The following MAP9 variants were observed in gnomAD, a reference collection of about 807,000 sequenced individuals.
The protein encoded by MAP9 is microtubule-associated protein 9.
MAP9 carries 80 observed loss-of-function variants against 75.2 expected under a neutral mutation model. The observed-to-expected ratio is 1.06, with a 90% confidence interval of 0.89 to 1.28. The LOEUF (loss-of-function observed/expected upper bound fraction) is 1.28. Among genes scored for constraint, MAP9 ranks in the 50% most tolerant of loss-of-function variants. The pLI, the probability that MAP9 is intolerant of heterozygous loss-of-function variation, is 0.00. For synonymous variants in MAP9, 235 were observed against 237.3 expected (o/e 0.99, Z 0.09); for missense variants, 753 against 719.9 (o/e 1.05, Z -0.53).
chr4:155,353,478 A>T, intron 10 of MAP9, 138 bp from the exon 11 acceptor site: 6 of 715,012 alleles, frequency 8.4e-6, no homozygotes, highest in Non-Finnish European at 1.2e-5. Flanking sequence ...ATTAACTTTC[A>T]AAGTAGGTAA....
chr4:155,352,714 T>C lies in MAP9; in HGVS notation c.1703A>G (p.Glu568Gly). The C allele has an allele frequency of 2.6e-6, 4 of 1,554,750 alleles. No homozygotes were observed. Among genetic ancestry groups the C allele is most frequent in the Non-Finnish European group, 2.6e-6 (3 of 1,143,204 alleles). The change falls in exon 13 of 14, where the codon GAA (glutamate) becomes GGA (glycine). Residue 568 changes from glutamate (E) to glycine (G), a missense_variant. Transcript: ENST00000311277. ...TTTTTCCTTTTGCTTGAAAAAAGCT[T>C]CCTTTTTTTCATTCCTATAGAGCAT... is the stretch of plus-strand genomic sequence containing the variant. ...TAVEKWNEKKEAFFKQKEKEK... is the reference protein window; with the variant it reads ...TAVEKWNEKKGAFFKQKEKEK...
chr4:155,363,325 A>G (rs1457703043), intron 5 of MAP9: 1 of 152,132 alleles, frequency 6.6e-6, no homozygotes, highest in African/African-American at 2.4e-5. Flanking sequence ...AAGAATACAG[A>G]ATCTCTACAA....
chr4:155,373,382 A>T lies in MAP9; in HGVS notation c.235T>A (p.Ser79Thr). ...VNKKMNDFHI[S>T]DDEEKNPSKL... is the part of the protein sequence containing the mutation. ...GAAGGATTCTTTTCTTCATCATCTG[A>T]TATATGAAAGTCATTCATTTTTTTA... Residue 79 changes from serine (S) to threonine (T), a missense_variant, in exon 4 of 14, where the codon TCA becomes ACA. Coordinates refer to ENST00000311277, the MANE Select transcript of MAP9 (RefSeq NM_001039580.2). The T allele has an allele frequency of 6.2e-7, 1 of 1,609,364 alleles. No individual in the cohort carries two copies. The highest frequency in any genetic ancestry group is 1.3e-5 in the African/African-American group (1 of 74,884).
chr4:155,366,968 A>G (rs1168083853), intron 5 of MAP9, among the ~76,000 whole-genome samples: 2 of 152,198 alleles, frequency 1.3e-5, no homozygotes, highest in African/African-American at 4.8e-5. Context: ...TAAGAAAAAA[A>G]TTACAGACCA....
Position 155,371,960 on chromosome 4 carries a change from T to C in MAP9, c.481+1176A>G, listed in dbSNP as rs113174821. Among the ~76,000 whole-genome samples, 195 of 152,342 alleles carry C rather than the reference T, an allele frequency of 1.3e-3. 2 individuals are homozygous for C. Among genetic ancestry groups the C allele is most frequent in the African/African-American group, 4.6e-3 (190 of 41,584 alleles). On this transcript the variant is annotated intron_variant, in intron 4 of 13. Coordinates refer to ENST00000311277, the MANE Select transcript of MAP9 (RefSeq NM_001039580.2). ...CATTATGCATCTGTTTGCATTTTTG[T>C]AGTTTTTTATAGTTTATGAGATGCA...
At position 155,347,767 on chromosome 4, in the gene MAP9, G is replaced by T; in HGVS notation, c.*16C>A. The T allele has an allele frequency of 6.3e-7, 1 of 1,576,454 alleles. No homozygotes were observed. On this transcript the variant is annotated 3_prime_UTR_variant, in exon 14 of 14. Transcript: ENST00000311277. ...GCAAACCGATAAATAACCAAATAAT[G>T]TAAGAACTAGAATTATCAAAACACT...
In MAP9 at chr4:155,361,323, G is replaced by C. The variant is rs922330689; in HGVS notation, c.802+725C>G. 4.6e-5 allele frequency: 7 copies of C among 151,988 alleles called. No individual in the cohort carries two copies. In the East Asian group the frequency reaches 1.4e-3, roughly 29 times the overall value. The allele number at this position is 151,988 out of a possible 1,614,324, so 9.4% of individuals were successfully genotyped here. On this transcript the variant is annotated intron_variant, in intron 6 of 13. Transcript: ENST00000311277. ...ACTATGGTTCCATCACTGACCTTGG[G>C]TATGTTTCCCTAAGTCACTGCACTT...
chr4:155,364,167 A>G (rs2111250795), intron 5 of MAP9, among the ~76,000 whole-genome samples: 1 of 152,258 alleles, frequency 6.6e-6, no homozygotes, highest in African/African-American at 2.4e-5. Flanking sequence ...AGAGAGGCCA[A>G]TAAAAATGGA....
chr4:155,356,774 C>T (rs1731808674), intron 8 of MAP9, among the ~76,000 whole-genome samples: 1 of 152,120 alleles, frequency 6.6e-6, no homozygotes, highest in Non-Finnish European at 1.5e-5. Context: ...ACTGTATCGC[C>T]TACAAAGCCT....
intron 4 of MAP9, among the ~76,000 whole-genome samples, chr4:155,372,244 G>A (rs541518634): frequency 3.3e-5 from 5 of 152,188 alleles, no homozygotes; most frequent in Admixed American, 2.6e-4. Context: ...TTTGTCTGAC[G>A]TTACCACTGG....
Position 155,355,718 on chromosome 4 carries a change from G to A in MAP9, c.1288C>T (p.Gln430Ter). Residue 430 changes from glutamine to a stop codon, truncating the protein, a stop_gained and splice_region_variant, in exon 9 of 14, where the codon CAG becomes TAG. Transcript: ENST00000311277. LOFTEE classifies it high-confidence loss of function. ...TTAAAAATATTTTCCTTTTTTACCTGATAAACAGCTGCCCTTATGTTATCT... is the reference window on the plus strand; with the variant it reads ...TTAAAAATATTTTCCTTTTTTACCTAATAAACAGCTGCCCTTATGTTATCT... ...RADNIRAAVY[Q>*]EWLEKKNVYL... 1 of 1,602,124 alleles carries A rather than the reference G, an allele frequency of 6.2e-7. No individual in the cohort carries two copies. The highest frequency in any genetic ancestry group is 8.5e-7 in the Non-Finnish European group (1 of 1,176,606).
chr4:155,368,610 T>G lies in MAP9; in HGVS notation c.684A>C (p.Ala228=). ...CCTCAGGATCAAGGTTTTCAGAGAA[T>G]GCTTTTTTCTCAGCTTCTAATTGTA... ...NGIQLEAEKK[A]FSENLDPEDS... is the part of the protein sequence containing the mutation. Residue 228 remains alanine, a synonymous_variant, in exon 5 of 14, where the codon GCA becomes GCC. Transcript: ENST00000311277. The G allele has an allele frequency of 1.2e-6, 2 of 1,614,146 alleles. No homozygotes were observed. Among genetic ancestry groups the G allele is most frequent in the Non-Finnish European group, 1.7e-6 (2 of 1,179,986 alleles).
chr4:155,355,554 T>C (rs935076853), intron 9 of MAP9, among the ~76,000 whole-genome samples, 162 bp downstream of exon 9: 2 of 150,658 alleles, frequency 1.3e-5, no homozygotes, highest in Non-Finnish European at 2.9e-5. Context: ...AAGCAAATAA[T>C]TTAGTAAAAT....
At chr4:155,370,392 G>A (rs1362787927) in intron 4 of MAP9, among the ~76,000 whole-genome samples, 2 of 152,050 alleles carry the variant, frequency 1.3e-5, no homozygotes, top group Non-Finnish European at 2.9e-5. Flanking sequence ...ACATAAAACG[G>A]ATTTTATGGT....
At position 155,373,128 on chromosome 4, in the gene MAP9, C is replaced by CA; in HGVS notation, c.481+7dup. The CA allele has an allele frequency of 1.3e-6, 2 of 1,514,340 alleles. No homozygotes were observed. The highest frequency in any genetic ancestry group is 1.8e-6 in the Non-Finnish European group (2 of 1,129,756). The allele number at this position is 1,514,340 out of a possible 1,614,324, so 93.8% of individuals were successfully genotyped here. ...AGAAATGCAATTACAGTAATCCTAA[C>CA]AAATTACCTGAAGATGTGCTTTTAA... is the stretch of plus-strand genomic sequence containing the variant. On this transcript the variant is annotated splice_region_variant and intron_variant, in intron 4 of 13. Transcript: ENST00000311277.
chr4:155,365,632 T>C (rs1025811212), intron 5 of MAP9, among the ~76,000 whole-genome samples: 1 of 152,096 alleles, frequency 6.6e-6, no homozygotes, highest in Admixed American at 6.5e-5. Context: ...TAATAATTTT[T>C]AAAAATTTGA....
At position 155,368,008 on chromosome 4, in the gene MAP9, G is replaced by T. The variant is rs1440477795; in HGVS notation, c.708+578C>A. 2.6e-5 allele frequency among the ~76,000 whole-genome samples: 4 copies of T among 152,180 alleles called. No individual in the cohort carries two copies. The East Asian group carries it at 7.7e-4, about 29-fold the overall frequency. ...TGCTTCTCATAGTGAAATACAAAGA[G>T]AAAAACGAAGTGTTCTCCCTTAATA... On this transcript the variant is annotated intron_variant, in intron 5 of 13. Coordinates refer to ENST00000311277, the MANE Select transcript of MAP9 (RefSeq NM_001039580.2).
chr4:155,343,368 A>C lies in MAP9; in HGVS notation c.*4415T>G, dbSNP rs904208052. On this transcript the variant is annotated 3_prime_UTR_variant, in exon 14 of 14. Transcript: ENST00000311277. ...ACACTAGAAACTAATTAACAGGAAG[A>C]GTACAAAATAATATGTTAGTTATAA... is the stretch of plus-strand genomic sequence containing the variant. 6.6e-6 allele frequency: 1 copy of C among 151,750 alleles called. No individual in the cohort carries two copies. Among genetic ancestry groups the C allele is most frequent in the Non-Finnish European group, 1.5e-5 (1 of 67,790 alleles). 9.4% of individuals were successfully genotyped at this position (151,750 alleles called of 1,614,324 possible). A position where few individuals can be genotyped will look rare whatever the true frequency, so the allele number is the denominator to read the frequency against.
rs1731331486 is a variant in MAP9, at chr4:155,347,711, TTGAA to T, written c.*68_*71del. The stretch of plus-strand genomic sequence containing the variant: ...AATATATTCCTCTAACTATAAATAA[TTGAA>T]TGGTTTTAAATCTATGGCTAATATT... On this transcript the variant is annotated 3_prime_UTR_variant, in exon 14 of 14. Transcript: ENST00000311277. 4 of 1,355,890 alleles carry T rather than the reference TTGAA, an allele frequency of 3.0e-6. No homozygotes were observed. Among genetic ancestry groups the T allele is most frequent in the African/African-American group, 3.0e-5 (2 of 67,108 alleles). The allele number at this position is 1,355,890 out of a possible 1,614,324, so 84.0% of individuals were successfully genotyped here. A position where few individuals can be genotyped will look rare whatever the true frequency, so the allele number is the denominator to read the frequency against.
Sources: allele counts gnomAD v4.1 joint callset (sites outside exome capture counted in the v4.1 genomes callset), GRCh38; gene constraint gnomAD v4.1.1; transcripts MANE v1.5; gene names NCBI Gene and HGNC (gene_info 2026-07-23, HGNC 2026-07-21).